Variants in LARP4B observed in about 807,000 individuals in gnomAD.
The protein encoded by LARP4B is la-related protein 4B.
LARP4B carries 12 observed loss-of-function variants against 89.8 expected under a neutral mutation model. The observed-to-expected ratio is 0.13, with a 90% CI of 0.09 to 0.22. The LOEUF (loss-of-function observed/expected upper bound fraction) is 0.22. LARP4B is among the 10% of genes least tolerant of loss of function. The probability of loss-of-function intolerance (pLI) is 1.00; values close to 1 mark genes in which losing one functional copy is unlikely to be tolerated. For synonymous variants in LARP4B, 367 were observed against 363.3 expected, an observed-to-expected ratio of 1.01 and a Z score of -0.12; for missense variants, 757 against 947.7, an observed-to-expected ratio of 0.80 and a Z score of 2.64.
chr10:944,176 C>T, the LARP4B span, among the ~76,000 whole-genome samples: 3 of 152,122 alleles, frequency 2.0e-5, no homozygotes, highest in Non-Finnish European at 4.4e-5. Flanking sequence ...AGGACTAAAA[C>T]TTCAACATTC....
the LARP4B span, among the ~76,000 whole-genome samples, chr10:961,274 G>C: frequency 8.1e-4 from 124 of 152,368 alleles, no homozygotes; most frequent in Non-Finnish European, 1.8e-4. Flanking sequence ...CACACCTGAG[G>C]CTGGGTAATT....
intron 1 of LARP4B, among the ~76,000 whole-genome samples, chr10:918,360 T>C (rs935869977): frequency 4.6e-5 from 7 of 152,150 alleles, no homozygotes; most frequent in South Asian, 2.1e-4. Flanking sequence ...AGGCCGGGGA[T>C]GATGGCACAT....
At chr10:917,297 C>CT (rs1329253013) in intron 1 of LARP4B, among the ~76,000 whole-genome samples, 1 of 152,148 alleles carries the variant, frequency 6.6e-6, no homozygotes, top group Non-Finnish European at 1.5e-5. Context: ...ACTTTATGAG[C>CT]AAGACTGAAA....
At chr10:876,037 T>C (rs1250490118) in intron 3 of LARP4B, among the ~76,000 whole-genome samples, 2 of 152,134 alleles carry the variant, frequency 1.3e-5, no homozygotes, top group Non-Finnish European at 2.9e-5. Flanking sequence ...CCCTGAGTGT[T>C]GAAAGTAACA....
Position 916,935 on chromosome 10 carries a change from C to T in LARP4B, c.-40+14493G>A, listed in dbSNP as rs147651730. On this transcript the variant is annotated intron_variant, in intron 1 of 17. Coordinates refer to ENST00000316157, the MANE Select transcript of LARP4B (RefSeq NM_015155.3). ...CTGGTCTTGAACTCATGGCCTCAAG[C>T]GATCCTCCCTTCTTGGCCTCCTAAA... Among the ~76,000 whole-genome samples, 46 of 152,196 alleles carry T rather than the reference C, an allele frequency of 3.0e-4. 1 individual carries two copies. Among genetic ancestry groups the T allele is most frequent in the African/African-American group, 9.1e-4 (38 of 41,532 alleles).
rs74116965 is a variant in LARP4B, at chr10:910,619, G to A, written c.-40+20809C>T. ...TGCTGTCTTTGGACAAGAGACTGGG[G>A]TGAAGAGTTCCGCAGACAACTGCCT... On this transcript the variant is annotated intron_variant, in intron 1 of 17. Transcript: ENST00000316157. Among the ~76,000 whole-genome samples the A allele has an allele frequency of 2.8e-3, 430 of 152,320 alleles. 5 individuals carry two copies. The highest frequency in any genetic ancestry group is 0.01 in the African/African-American group (416 of 41,564).
At chr10:927,988 G>A (rs927091963) in intron 1 of LARP4B, among the ~76,000 whole-genome samples, 6 of 151,764 alleles carry the variant, frequency 4.0e-5, no homozygotes, top group Admixed American at 1.3e-4. Context: ...CGAGGCGGGC[G>A]AATCACCTGC....
chr10:891,888 A>C (rs148663608), intron 1 of LARP4B, among the ~76,000 whole-genome samples: 64 of 152,320 alleles, frequency 4.2e-4, no homozygotes, highest in African/African-American at 1.2e-3. Flanking sequence ...TAACTTACCT[A>C]ATGTGTGAAT....
intron 3 of LARP4B, among the ~76,000 whole-genome samples, chr10:864,919 C>A (rs989222555): frequency 1.3e-5 from 2 of 152,056 alleles, no homozygotes; most frequent in African/African-American, 4.8e-5. Flanking sequence ...CACCACTGCA[C>A]CCAACCTGGG....
At chr10:862,256 T>TAAAAAAAAAAAAAAAAAAAAAAA (rs10661482) in intron 5 of LARP4B, among the ~76,000 whole-genome samples, 4 of 84,396 alleles carry the variant, frequency 4.7e-5, no homozygotes, top group African/African-American at 2.1e-4. Flanking sequence ...CCACTGAAGT[T>TAAAAAAAAAAAAAAAAAAAAAAA]AAAAAAAAAA....
At chr10:944,959 A>G in the LARP4B span, among the ~76,000 whole-genome samples, 1 of 152,258 alleles carries the variant, frequency 6.6e-6, no homozygotes, top group African/African-American at 2.4e-5. Context: ...TTGGAATTCA[A>G]GAAGTGCTTG....
At chr10:926,545 C>CT (rs1490948470) in intron 1 of LARP4B, among the ~76,000 whole-genome samples, 2 of 152,164 alleles carry the variant, frequency 1.3e-5, no homozygotes, top group Admixed American at 6.5e-5. Context: ...TGATGAGTTT[C>CT]TGAAAAGAGG....
intron 17 of LARP4B, among the ~76,000 whole-genome samples, chr10:813,745 G>A (rs748058846): frequency 6.6e-5 from 10 of 151,864 alleles, no homozygotes; most frequent in Admixed American, 2.0e-4. Flanking sequence ...AGGGTTTTCA[G>A]GTAAGTGGAA....
chr10:922,157 A>AT (rs1836997077), intron 1 of LARP4B, among the ~76,000 whole-genome samples: 1 of 152,192 alleles, frequency 6.6e-6, no homozygotes, highest in African/African-American at 2.4e-5. Flanking sequence ...CTAGATTCTC[A>AT]TAAGGAGCAT....
intron 5 of LARP4B, among the ~76,000 whole-genome samples, chr10:852,517 A>C (rs1393835207): frequency 6.6e-6 from 1 of 152,164 alleles, no homozygotes; most frequent in East Asian, 1.9e-4. Flanking sequence ...ACCACCACTA[A>C]CGTTATACTT....
chr10:863,807 T>C lies in LARP4B; in HGVS notation c.366A>G (p.Ala122=), dbSNP rs1242660192. Reference sequence around the variant, plus strand: ...GACCCAGAGCGAGAGCGTTCATGTCTGCTGGGTCCGACTCCTGCGGGTCTG... The same window carrying C: ...GACCCAGAGCGAGAGCGTTCATGTCCGCTGGGTCCGACTCCTGCGGGTCTG... ...ALPDPQESDP[A]DMNALALGPS... is the part of the protein sequence containing the mutation. The change falls in exon 5 of 18, where the codon GCA becomes GCG. Residue 122 remains alanine, a synonymous_variant. Transcript: ENST00000316157. 1 of 1,614,062 alleles carries C rather than the reference T, an allele frequency of 6.2e-7. No individual in the cohort carries two copies. The highest frequency in any genetic ancestry group is 8.5e-7 in the Non-Finnish European group (1 of 1,180,026).
At chr10:911,052 GGAAACA>G (rs1443855951) in intron 1 of LARP4B, among the ~76,000 whole-genome samples, 2 of 152,174 alleles carry the variant, frequency 1.3e-5, no homozygotes, top group Non-Finnish European at 2.9e-5. Context: ...CAGTCTTTGT[GGAAACA>G]TCAGCTGGAT....
At chr10:963,259 G>T in the LARP4B span, among the ~76,000 whole-genome samples, 17 of 152,182 alleles carry the variant, frequency 1.1e-4, no homozygotes, top group Admixed American at 3.9e-4. Flanking sequence ...CATGAAGCTT[G>T]AGTTCCAGAG....
At chr10:841,386 G>A (rs566427803) in intron 7 of LARP4B, among the ~76,000 whole-genome samples, 25 of 152,276 alleles carry the variant, frequency 1.6e-4, no homozygotes, top group Admixed American at 8.5e-4. Flanking sequence ...AGTGCAAATG[G>A]ATAAAAGTTA....
Sources: allele counts gnomAD v4.1 joint callset (sites outside exome capture counted in the v4.1 genomes callset), GRCh38; gene constraint gnomAD v4.1.1; transcripts MANE v1.5; gene names NCBI Gene and HGNC (gene_info 2026-07-23, HGNC 2026-07-21).